The following ZNF841 variants were observed in gnomAD, a reference collection of about 807,000 sequenced individuals.
ZNF841 encodes TCONS_00006091.
Under a neutral mutation model 13.0 loss-of-function variants are expected in ZNF841, and 11 were observed. The observed-to-expected ratio is 0.85, with a 90% CI of 0.53 to 1.40. The LOEUF (loss-of-function observed/expected upper bound fraction) is 1.40. ZNF841 is among the 40% of genes most tolerant of loss of function. ZNF841 has a pLI of 0.00. For synonymous variants in ZNF841, 369 were observed against 381.6 expected (o/e 0.97, Z 0.38); for missense variants, 1,068 against 1,139.5 (o/e 0.94, Z 0.90).
intron 3 of ZNF841, among the ~76,000 whole-genome samples, chr19:52,086,977 CA>C (rs1338984025): frequency 6.6e-6 from 1 of 152,108 alleles, no homozygotes; most frequent in African/African-American, 2.4e-5. Flanking sequence ...TTAAATGAAG[CA>C]CAGAAGAGGG....
chr19:52,082,485 A>C (rs1568545228), intron 4 of ZNF841, among the ~76,000 whole-genome samples: 1 of 152,246 alleles, frequency 6.6e-6, no homozygotes, highest in Non-Finnish European at 1.5e-5. Flanking sequence ...TAAGCAAGAA[A>C]CATGAGATTT....
chr19:52,066,273 C>T lies in ZNF841; in HGVS notation c.1609G>A (p.Gly537Arg), dbSNP rs761964625. Residue 537 changes from glycine (G) to arginine (R), a missense_variant, in exon 7 of 7, where the codon GGA becomes AGA. Gly to Arg is a moderately radical substitution (Grantham distance 125). Transcript: ENST00000594440. Reference sequence around the variant, plus strand: ...ACATTACATTTGTAAGGTTTCTCTCCGGTATGAATTCTCTGATGTACAGTT... The same window carrying T: ...ACATTACATTTGTAAGGTTTCTCTCTGGTATGAATTCTCTGATGTACAGTT... ...LLTVHQRIHT[G>R]EKPYKCNVCG... 49 of 1,613,802 alleles carry T rather than the reference C, an allele frequency of 3.0e-5. 1 individual carries two copies. The East Asian group carries it at 4.5e-4, about 15-fold the overall frequency.
chr19:52,077,291 A>C (rs1156450966), intron 4 of ZNF841, among the ~76,000 whole-genome samples: 3 of 152,192 alleles, frequency 2.0e-5, no homozygotes, highest in Admixed American at 6.5e-5. Context: ...ATCGGTGCAC[A>C]TTTCTCACTT....
chr19:52,078,604 CAGG>C (rs2087987085), intron 4 of ZNF841, among the ~76,000 whole-genome samples: 1 of 149,530 alleles, frequency 6.7e-6, no homozygotes, highest in African/African-American at 2.5e-5. Flanking sequence ...GAGGCTGAGG[CAGG>C]AGAATGGCAT....
chr19:52,082,786 C>A (rs1171372729), intron 4 of ZNF841, among the ~76,000 whole-genome samples: 1 of 152,128 alleles, frequency 6.6e-6, no homozygotes, highest in Non-Finnish European at 1.5e-5. Flanking sequence ...AACATAAAAA[C>A]ATGTACATTT....
intron 2 of ZNF841, among the ~76,000 whole-genome samples, chr19:52,090,654 G>GGAAA (rs60931653): frequency 0.15 from 12,399 of 84,302 alleles, 1,146 homozygotes; most frequent in Non-Finnish European, 0.18. Context: ...AAGGAAGGAA[G>GGAAA]GAAAGAAAGA....
rs770791950 is a variant in ZNF841 at position 52,066,823 on chromosome 19, G to C, written c.1059C>G (p.Ser353=). The stretch of plus-strand genomic sequence containing the variant: ...CTGCAAGGTGGGAACTTTTACTAAA[G>C]GACTTGCCACATTCATTACATATGT... ...KPYICNECGK[S]FSKSSHLAVH... Residue 353 remains serine, a synonymous_variant, in exon 7 of 7, where the codon TCC becomes TCG. Coordinates refer to ENST00000594440, the MANE Select transcript of ZNF841 (RefSeq NM_001136499.2). 6.2e-7 allele frequency: 1 copy of C among 1,614,142 alleles called. No individual in the cohort carries two copies. The highest frequency in any genetic ancestry group is 2.2e-5 in the East Asian group (1 of 44,882).
In ZNF841 at chr19:52,066,742, C is replaced by T; in HGVS notation, c.1140G>A (p.Lys380=). The T allele has an allele frequency of 6.2e-7, 1 of 1,611,738 alleles. No homozygotes were observed. Among genetic ancestry groups the T allele is most frequent in the South Asian group, 1.1e-5 (1 of 90,860 alleles). The change falls in exon 7 of 7, where the codon AAG becomes AAA. Residue 380 remains lysine (K), a synonymous_variant. Transcript: ENST00000594440. Reference sequence around the variant, plus strand: ...CAAGAGAGGAACTTTGACTAAAGCACTTCCCACATCGATTACATTTGTAAG... The same window carrying T: ...CAAGAGAGGAACTTTGACTAAAGCATTTCCCACATCGATTACATTTGTAAG... The part of the protein sequence containing the change: ...EKPYKCNRCG[K]CFSQSSSLAT...
chr19:52,065,790 T>C lies in ZNF841; in HGVS notation c.2092A>G (p.Arg698Gly). The C allele has an allele frequency of 6.2e-7, 1 of 1,611,410 alleles. No homozygotes were observed. The highest frequency in any genetic ancestry group is 1.1e-5 in the South Asian group (1 of 90,894). Residue 698 changes from arginine to glycine, a missense_variant, in exon 7 of 7, where the codon AGA becomes GGA. By Grantham distance (125) the Arg-to-Gly change is moderately radical. Transcript: ENST00000594440. ...TCCCCAGTAGGATTTCTGTGATATC[T>C]TGCAAGTTTTGAACTTTGGATAAAA... The part of the protein sequence containing the change: ...EAFIQSSKLA[R>G]YHRNPTGEKP...
intron 4 of ZNF841, among the ~76,000 whole-genome samples, chr19:52,078,735 AT>A (rs1201524490): frequency 6.6e-6 from 1 of 151,992 alleles, no homozygotes; most frequent in African/African-American, 2.4e-5. Context: ...AAGAAAAAAC[AT>A]TTTAAGGCCA....
chr19:52,060,309 A>G (rs2087376146), downstream of ZNF841, among the ~76,000 whole-genome samples: 1 of 152,144 alleles, frequency 6.6e-6, no homozygotes, highest in East Asian at 1.9e-4. Flanking sequence ...CCCCTTTTAC[A>G]TACAGGGAAA....
chr19:52,082,071 T>C (rs2088118345), intron 4 of ZNF841, among the ~76,000 whole-genome samples: 2 of 152,166 alleles, frequency 1.3e-5, no homozygotes, highest in Non-Finnish European at 2.9e-5. Flanking sequence ...ATCAAGAACG[T>C]ATGTATCCTG....
intron 6 of ZNF841, among the ~76,000 whole-genome samples, chr19:52,070,602 T>G (rs942570398): frequency 1.2e-4 from 18 of 152,232 alleles, no homozygotes; most frequent in Non-Finnish European, 2.5e-4. Context: ...GCCCACATCC[T>G]GCATTCATGA....
chr19:52,065,215 G>T lies in ZNF841; in HGVS notation c.2667C>A (p.Arg889=). The change falls in exon 7 of 7, where the codon CGC becomes CGA. Residue 889 remains arginine (R), a synonymous_variant. Coordinates refer to ENST00000594440, the MANE Select transcript of ZNF841 (RefSeq NM_001136499.2). ...CNECGKSYIS[R]SGLTKHQIKH... ...TTATCTGATGTTTAGTGAGGCCTGA[G>T]CGACTAATGTAAGATTTGCCACACT... The T allele has an allele frequency of 6.2e-7, 1 of 1,612,602 alleles. No individual in the cohort carries two copies. Among genetic ancestry groups the T allele is most frequent in the East Asian group, 2.2e-5 (1 of 44,878 alleles).
chr19:52,085,517 C>T (rs1247357260), intron 3 of ZNF841, among the ~76,000 whole-genome samples: 1 of 152,166 alleles, frequency 6.6e-6, no homozygotes, highest in East Asian at 1.9e-4. Context: ...CACAGAGACA[C>T]ATAATATGCA....
chr19:52,069,239 A>AT (rs1441789320), intron 6 of ZNF841, among the ~76,000 whole-genome samples: 1 of 151,938 alleles, frequency 6.6e-6, no homozygotes, highest in Non-Finnish European at 1.5e-5. Context: ...TGCCCGGTTA[A>AT]TTTTTTTGTA....
chr19:52,060,498 G>A (rs1366515195), downstream of ZNF841, among the ~76,000 whole-genome samples: 1 of 151,802 alleles, frequency 6.6e-6, no homozygotes, highest in Non-Finnish European at 1.5e-5. Context: ...CCTTTTCCTC[G>A]TTTTTGTTTT....
chr19:52,079,963 C>T (rs1249419291), intron 4 of ZNF841, among the ~76,000 whole-genome samples: 2 of 148,672 alleles, frequency 1.3e-5, no homozygotes, highest in Non-Finnish European at 3.0e-5. Flanking sequence ...TGTACTCCAG[C>T]CTGGGCAACA....
chr19:52,069,474 G>A (rs868416682), intron 6 of ZNF841, among the ~76,000 whole-genome samples: 5 of 152,120 alleles, frequency 3.3e-5, no homozygotes, highest in Admixed American at 1.3e-4. Context: ...AGACAACACC[G>A]TTTGGACCAA....
Sources: gnomAD v4.1 joint callset for allele counts (sites outside exome capture counted in the v4.1 genomes callset) on GRCh38, gnomAD v4.1.1 for gene constraint, MANE v1.5 for transcripts, NCBI Gene and HGNC (gene_info 2026-07-23, HGNC 2026-07-21) for gene names.